KCND2: variants seen among roughly 807,000 people sequenced by gnomAD.
KCND2 encodes the protein A-type voltage-gated potassium channel KCND2.
KCND2 carries 16 observed loss-of-function variants against 54.4 expected under a neutral mutation model. The observed-to-expected ratio is 0.29, with a 90% CI of 0.20 to 0.45. The LOEUF is 0.45. Among genes scored for constraint, KCND2 ranks in the 20% least tolerant of loss-of-function variants. The pLI, the probability that KCND2 is intolerant of heterozygous loss-of-function variation, is 1.00. For synonymous variants in KCND2, 317 were observed against 310.7 expected (o/e 1.02, Z -0.21); for missense variants, 486 against 824.2 (o/e 0.59, Z 5.02).
At chr7:120,527,202 A>T (rs528235094) in intron 1 of KCND2, among the ~76,000 whole-genome samples, 2 of 152,260 alleles carry the variant, frequency 1.3e-5, no homozygotes, top group African/African-American at 4.8e-5. Context: ...TAGCAAGAAC[A>T]CGTGAACTGG....
intron 1 of KCND2, among the ~76,000 whole-genome samples, chr7:120,383,084 A>G (rs1480128411): frequency 6.6e-6 from 1 of 152,040 alleles, no homozygotes; most frequent in Admixed American, 6.6e-5. Context: ...GAAGAAGATG[A>G]TTTAAAAGTG....
At chr7:120,494,392 C>T (rs769871127) in intron 1 of KCND2, among the ~76,000 whole-genome samples, 1 of 152,016 alleles carries the variant, frequency 6.6e-6, no homozygotes, top group Non-Finnish European at 1.5e-5. Flanking sequence ...ATGGAAATGA[C>T]TCAAAAATAG....
At position 120,310,006 on chromosome 7, in the gene KCND2, ACTT is replaced by A. The variant is rs373598891; in HGVS notation, c.1115+34266_1115+34268del. Among the ~76,000 whole-genome samples the A allele has an allele frequency of 7.7e-4, 117 of 152,290 alleles. No homozygotes were observed. In the East Asian group the frequency reaches 0.012, roughly 16 times the overall value. Reference sequence around the variant, plus strand: ...ACTGTGTCTCCAAATCTCAGTTTTTACTTCTTCTTTGATTCCTTTCCTGACTCC... The same window carrying A: ...ACTGTGTCTCCAAATCTCAGTTTTTACTTCTTTGATTCCTTTCCTGACTCC... On this transcript the variant is annotated intron_variant, in intron 1 of 5. Coordinates refer to ENST00000331113, the MANE Select transcript of KCND2 (RefSeq NM_012281.3).
At chr7:120,610,923 G>T (rs1353084497) in intron 1 of KCND2, among the ~76,000 whole-genome samples, 1 of 152,048 alleles carries the variant, frequency 6.6e-6, no homozygotes. Flanking sequence ...CACCCACTTG[G>T]CTATTCTCAG....
intron 1 of KCND2, among the ~76,000 whole-genome samples, chr7:120,493,720 A>G (rs540707168): frequency 6.6e-6 from 1 of 152,214 alleles, no homozygotes; most frequent in Non-Finnish European, 1.5e-5. Flanking sequence ...AACAAGGCCA[A>G]GTGTTGCTGA....
chr7:120,663,681 G>A (rs1329268496), intron 1 of KCND2, among the ~76,000 whole-genome samples: 2 of 152,114 alleles, frequency 1.3e-5, no homozygotes, highest in Non-Finnish European at 2.9e-5. Flanking sequence ...CTTACATACA[G>A]ATGATTACAT....
At chr7:120,421,270 T>A (rs916301530) in intron 1 of KCND2, among the ~76,000 whole-genome samples, 5 of 152,210 alleles carry the variant, frequency 3.3e-5, no homozygotes, top group Admixed American at 6.5e-5. Flanking sequence ...ACTAATGTCA[T>A]GGCAATTCTA....
At chr7:120,421,945 G>C (rs758099616) in intron 1 of KCND2, among the ~76,000 whole-genome samples, 6 of 152,188 alleles carry the variant, frequency 3.9e-5, no homozygotes, top group Non-Finnish European at 8.8e-5. Context: ...CATACCAGAA[G>C]GATGGCAGCT....
chr7:120,672,815 A>C (rs1792009045), intron 1 of KCND2: 1 of 152,100 alleles, frequency 6.6e-6, no homozygotes, highest in Admixed American at 6.5e-5. Context: ...GAGACCATAA[A>C]GGAGGAGCCT....
At chr7:120,562,197 G>A (rs1161632857) in intron 1 of KCND2, among the ~76,000 whole-genome samples, 1 of 152,114 alleles carries the variant, frequency 6.6e-6, no homozygotes, top group Non-Finnish European at 1.5e-5. Context: ...CATATTGAGT[G>A]AGAAATGGGG....
At position 120,745,772 on chromosome 7, in the gene KCND2, T is replaced by C; in HGVS notation, c.1468-8T>C. ...CTGTTTCTTCATTTACTTACAACTG[T>C]GGAACAGAATCACGAGTTTGTGGAC... On this transcript the variant is annotated splice_polypyrimidine_tract_variant and splice_region_variant and intron_variant, in intron 4 of 5. Transcript: ENST00000331113. 3 of 1,613,552 alleles carry C rather than the reference T, an allele frequency of 1.9e-6. No individual in the cohort carries two copies. Among genetic ancestry groups the C allele is most frequent in the Non-Finnish European group, 2.5e-6 (3 of 1,179,630 alleles).
In KCND2 at chr7:120,747,578, C is replaced by T. The variant is rs536342194; in HGVS notation, c.1716-103C>T. On this transcript the variant is annotated intron_variant, in intron 5 of 5. Transcript: ENST00000331113. ...TTTAATTATAATAACTTTCCTTAGA[C>T]AATTAAAATATTTTTATAAGCATTA... 1.3e-4 allele frequency: 102 copies of T among 780,486 alleles called. No homozygotes were observed. In the Middle Eastern group the frequency reaches 2.5e-3, roughly 20 times the overall value. 48.3% of individuals were successfully genotyped at this position (780,486 alleles called of 1,614,324 possible). A position where few individuals can be genotyped will look rare whatever the true frequency, so the allele number is the denominator to read the frequency against.
At chr7:120,305,982 A>G (rs1799647661) in intron 1 of KCND2, among the ~76,000 whole-genome samples, 1 of 152,136 alleles carries the variant, frequency 6.6e-6, no homozygotes, top group Non-Finnish European at 1.5e-5. Flanking sequence ...CTAATCTTCA[A>G]GTGGGGATAA....
chr7:120,484,262 TTTTAGA>T (rs913822049), intron 1 of KCND2, among the ~76,000 whole-genome samples: 2 of 152,064 alleles, frequency 1.3e-5, no homozygotes, highest in Non-Finnish European at 2.9e-5. Context: ...AAGTTTTTAC[TTTTAGA>T]TTTAGGAAGG....
intron 1 of KCND2, among the ~76,000 whole-genome samples, chr7:120,422,440 A>T (rs10953912): frequency 6.6e-6 from 1 of 152,128 alleles, no homozygotes; most frequent in African/African-American, 2.4e-5. Context: ...GGTTTGCGCT[A>T]GTTCCACCCT....
chr7:120,524,591 A>C lies in KCND2; in HGVS notation c.1116-208312A>C, dbSNP rs570378905. ...CATCTTAATTCACAATAATGACAGA[A>C]AGATAATTGCTGAATTTTGAAAATT... On this transcript the variant is annotated intron_variant, in intron 1 of 5. Coordinates refer to ENST00000331113, the MANE Select transcript of KCND2 (RefSeq NM_012281.3). Among the ~76,000 whole-genome samples the C allele has an allele frequency of 2.6e-5, 4 of 152,298 alleles. No individual in the cohort carries two copies. The South Asian group carries it at 8.3e-4, about 32-fold the overall frequency.
intron 1 of KCND2, among the ~76,000 whole-genome samples, chr7:120,488,536 G>A (rs1221829268): frequency 1.3e-5 from 2 of 152,062 alleles, no homozygotes; most frequent in East Asian, 1.9e-4. Flanking sequence ...AATGCAAAAT[G>A]TGTAAGTGTA....
intron 1 of KCND2, among the ~76,000 whole-genome samples, chr7:120,604,115 AC>A (rs1205786559): frequency 6.6e-6 from 1 of 152,202 alleles, no homozygotes; most frequent in Non-Finnish European, 1.5e-5. Flanking sequence ...GGGTTTTGAC[AC>A]ATTTAATAAA....
chr7:120,355,519 G>A (rs907377552), intron 1 of KCND2, among the ~76,000 whole-genome samples: 8 of 151,928 alleles, frequency 5.3e-5, no homozygotes, highest in African/African-American at 1.9e-4. Flanking sequence ...CTGCACTTCA[G>A]CCTGAGTGAC....
Sources: allele counts gnomAD v4.1 joint callset (sites outside exome capture counted in the v4.1 genomes callset), GRCh38; gene constraint gnomAD v4.1.1; transcripts MANE v1.5; gene names NCBI Gene and HGNC (gene_info 2026-07-23, HGNC 2026-07-21).